Variants in TRIM42 observed in about 807,000 individuals in gnomAD.
TRIM42 encodes tripartite motif containing 42.
In TRIM42, 59 loss-of-function variants were observed where a neutral mutation model predicts 64.9. The ratio of observed to expected loss-of-function variants is 0.91; its 90% CI spans 0.74 to 1.13. The LOEUF (loss-of-function observed/expected upper bound fraction) is 1.13. Among genes scored for constraint, TRIM42 ranks in the 50% most tolerant of loss-of-function variants. The pLI is 0.00. For synonymous variants in TRIM42, 354 were observed against 346.3 expected (o/e 1.02, Z -0.25); for missense variants, 878 against 929.5 (o/e 0.94, Z 0.72).
chr3:140,680,649 T>C, intron 1 of TRIM42: 2 of 985,226 alleles, frequency 2.0e-6, no homozygotes, highest in Non-Finnish European at 2.4e-6. Flanking sequence ...ACAATTAACC[T>C]GTACCACCAG....
intron 4 of TRIM42, among the ~76,000 whole-genome samples, chr3:140,692,782 T>C (rs1988756281): frequency 6.6e-6 from 1 of 152,220 alleles, no homozygotes; most frequent in African/African-American, 2.4e-5. Context: ...GATTTTTCCT[T>C]CCATCTAATC....
chr3:140,681,422 T>C (rs1230105865), intron 1 of TRIM42, among the ~76,000 whole-genome samples: 1 of 152,174 alleles, frequency 6.6e-6, no homozygotes, highest in Non-Finnish European at 1.5e-5. Flanking sequence ...AGCTTTGACT[T>C]ATAGTTGAGA....
intron 4 of TRIM42, among the ~76,000 whole-genome samples, chr3:140,699,503 G>A (rs1449422622): frequency 6.6e-6 from 1 of 152,074 alleles, no homozygotes; most frequent in African/African-American, 2.4e-5. Flanking sequence ...TTGTTTTTCT[G>A]TTTCTTCTGT....
chr3:140,697,369 T>A (rs1454438714), intron 4 of TRIM42, among the ~76,000 whole-genome samples: 1 of 152,198 alleles, frequency 6.6e-6, no homozygotes, highest in Non-Finnish European at 1.5e-5. Context: ...AATTATTTTT[T>A]CTTTATAGCT....
At chr3:140,699,199 G>A (rs1365166570) in intron 4 of TRIM42, among the ~76,000 whole-genome samples, 1 of 152,038 alleles carries the variant, frequency 6.6e-6, no homozygotes, top group Non-Finnish European at 1.5e-5. Flanking sequence ...TGTTCATGAT[G>A]TATTACTTTT....
In TRIM42 at chr3:140,690,096, A is replaced by G. The variant is rs570946112; in HGVS notation, c.1861-872A>G. On this transcript the variant is annotated intron_variant, in intron 3 of 4. Coordinates refer to ENST00000286349, the MANE Select transcript of TRIM42 (RefSeq NM_152616.5). ...TGATTTTAAAATATCATCGATTCAT[A>G]TTTTAGGATAATGGAATGGACTTCA... is the stretch of plus-strand genomic sequence containing the variant. Among the ~76,000 whole-genome samples, 8 of 152,300 alleles carry G rather than the reference A, an allele frequency of 5.3e-5. No individual in the cohort carries two copies. The South Asian group carries it at 1.7e-3, about 32-fold the overall frequency.
At chr3:140,683,874 A>G (rs1442877523) in intron 2 of TRIM42, among the ~76,000 whole-genome samples, 1 of 152,210 alleles carries the variant, frequency 6.6e-6, no homozygotes, top group African/African-American at 2.4e-5. Flanking sequence ...GTGAAATAAT[A>G]TTTCAATGAT....
At position 140,688,174 on chromosome 3, in the gene TRIM42, C is replaced by A; in HGVS notation, c.1492C>A (p.Arg498Ser). The change falls in exon 3 of 5, where the codon CGC (arginine) becomes AGC (serine). Residue 498 changes from arginine to serine, a missense_variant. By Grantham distance (110) the Arg-to-Ser change is moderately radical. Transcript: ENST00000286349. The stretch of plus-strand genomic sequence containing the variant: ...CTTCCCCACAGGGCCCAAGAAGGTA[C>A]GCTCCTCAGGGGACTCCCTGCCCTC... ...ELFPTGPKKV[R>S]SSGDSLPSPY... The A allele has an allele frequency of 6.2e-7, 1 of 1,614,146 alleles. No homozygotes were observed. The highest frequency in any genetic ancestry group is 2.2e-5 in the East Asian group (1 of 44,880).
chr3:140,690,964 A>G lies in TRIM42; in HGVS notation c.1861-4A>G, dbSNP rs957914536. 1.1e-5 allele frequency: 18 copies of G among 1,609,858 alleles called. 1 individual carries two copies. The Admixed American group carries it at 2.8e-4, about 25-fold the overall frequency. ...CCACACCAGTATGTTCATTTCTTCC[A>G]TAGGTTTACTGGACATGTCCAGCAG... On this transcript the variant is annotated splice_polypyrimidine_tract_variant and splice_region_variant and intron_variant, in intron 3 of 4. Transcript: ENST00000286349.
intron 1 of TRIM42, among the ~76,000 whole-genome samples, chr3:140,681,315 C>CA (rs1163080201): frequency 2.0e-5 from 3 of 152,118 alleles, no homozygotes; most frequent in African/African-American, 7.2e-5. Flanking sequence ...TTATAGTGGC[C>CA]ACATTTATTG....
intron 1 of TRIM42, 104 bp from the exon 2 acceptor site, chr3:140,682,358 A>G (rs987768915): frequency 7.8e-6 from 9 of 1,150,614 alleles, no homozygotes; most frequent in Non-Finnish European, 1.1e-5. Flanking sequence ...CCTCACCACC[A>G]CACTAGACTG....
At position 140,695,666 on chromosome 3, in the gene TRIM42, G is replaced by A. The variant is rs187201471; in HGVS notation, c.2085+4474G>A. Among the ~76,000 whole-genome samples, 731 of 152,242 alleles carry A rather than the reference G, an allele frequency of 4.8e-3. 2 individuals carry two copies. The highest frequency in any genetic ancestry group is 7.0e-3 in the Non-Finnish European group (475 of 68,006). ...TGCTGAAACCCCAGCCACACAGCAG[G>A]ACTGCCTGGCCATCATGAAATTCCC... On this transcript the variant is annotated intron_variant, in intron 4 of 4. Coordinates refer to ENST00000286349, the MANE Select transcript of TRIM42 (RefSeq NM_152616.5).
chr3:140,682,434 G>T, intron 1 of TRIM42, 28 bp from the exon 2 acceptor site: 2 of 1,596,382 alleles, frequency 1.3e-6, no homozygotes, highest in South Asian at 1.1e-5. Flanking sequence ...CCTGCCTCCT[G>T]AAACCCTGCC....
chr3:140,682,852 G>A lies in TRIM42; in HGVS notation c.732G>A (p.Lys244=). The part of the protein sequence containing the change: ...GPILCQVCRN[K]RIAYKRCITC... ...TCCTCTGCCAGGTCTGCCGCAACAA[G>A]CGCATCGCTTACAAGCGCTGCATCA... Residue 244 remains lysine (K), a synonymous_variant, in exon 2 of 5, where the codon AAG becomes AAA. Coordinates refer to ENST00000286349, the MANE Select transcript of TRIM42 (RefSeq NM_152616.5). 3.1e-6 allele frequency: 5 copies of A among 1,614,154 alleles called. No homozygotes were observed. The highest frequency in any genetic ancestry group is 4.2e-6 in the Non-Finnish European group (5 of 1,180,022).
Position 140,682,990 on chromosome 3 carries a change from C to T in TRIM42, c.870C>T (p.Cys290=). Reference sequence around the variant, plus strand: ...CCGAGGAACAGGACGAGAAGATCTGCATCCACCACCCATCCAGCCGCATCA... The same window carrying T: ...CCGAGGAACAGGACGAGAAGATCTGTATCCACCACCCATCCAGCCGCATCA... ...TSAEEQDEKI[C]IHHPSSRIIE... Residue 290 remains cysteine (C), a synonymous_variant, in exon 2 of 5, where the codon TGC becomes TGT. Coordinates refer to ENST00000286349, the MANE Select transcript of TRIM42 (RefSeq NM_152616.5). 1.9e-6 allele frequency: 3 copies of T among 1,614,248 alleles called. No homozygotes were observed. Among genetic ancestry groups the T allele is most frequent in the Non-Finnish European group, 2.5e-6 (3 of 1,180,048 alleles).
intron 2 of TRIM42, among the ~76,000 whole-genome samples, chr3:140,684,715 C>A (rs531863277): frequency 6.6e-6 from 1 of 152,066 alleles, no homozygotes; most frequent in African/African-American, 2.4e-5. Context: ...TTAAAGGAAC[C>A]CTGCAGGAAC....
At chr3:140,684,415 A>C (rs1039078155) in intron 2 of TRIM42, among the ~76,000 whole-genome samples, 2 of 152,164 alleles carry the variant, frequency 1.3e-5, no homozygotes, top group African/African-American at 4.8e-5. Flanking sequence ...TCAGTTACCA[A>C]AGTGCACCAG....
In TRIM42 at chr3:140,687,774, C is replaced by T. The variant is rs1473622128; in HGVS notation, c.1092C>T (p.Ser364=). The part of the protein sequence containing the change: ...DLMEFNILKN[S]FKADKEAKRK... ...TGGAATTCAACATCTTAAAAAACAGCTTTAAAGCTGACAAGGAGGCAAAGC... is the reference window on the plus strand; with the variant it reads ...TGGAATTCAACATCTTAAAAAACAGTTTTAAAGCTGACAAGGAGGCAAAGC... The change falls in exon 3 of 5, where the codon AGC becomes AGT. Residue 364 remains serine (S), a synonymous_variant. Transcript: ENST00000286349. 6.2e-6 allele frequency: 10 copies of T among 1,614,028 alleles called. No individual in the cohort carries two copies. Among genetic ancestry groups the T allele is most frequent in the Non-Finnish European group, 8.5e-6 (10 of 1,180,000 alleles).
Position 140,682,860 on chromosome 3 carries a change from C to T in TRIM42, c.740C>T (p.Ala247Val). The T allele has an allele frequency of 6.2e-7, 1 of 1,614,216 alleles. No individual in the cohort carries two copies. Among genetic ancestry groups the T allele is most frequent in the Non-Finnish European group, 8.5e-7 (1 of 1,180,028 alleles). The change falls in exon 2 of 5, where the codon GCT (alanine) becomes GTT (valine). Residue 247 changes from alanine to valine, a missense_variant. By Grantham distance (64) the Ala-to-Val change is moderately conservative. Transcript: ENST00000286349. ...CAGGTCTGCCGCAACAAGCGCATCG[C>T]TTACAAGCGCTGCATCACCTGCCGC... ...LCQVCRNKRI[A>V]YKRCITCRLN...
Sources: allele counts gnomAD v4.1 joint callset (sites outside exome capture counted in the v4.1 genomes callset), GRCh38; gene constraint gnomAD v4.1.1; transcripts MANE v1.5; gene names NCBI Gene and HGNC (gene_info 2026-07-23, HGNC 2026-07-21).